Variants in AXDND1 observed in about 807,000 individuals in gnomAD.
AXDND1 encodes axonemal dynein light chain domain-containing protein 1.
AXDND1 carries 110 observed loss-of-function variants against 137.5 expected under a neutral mutation model. The observed-to-expected ratio is 0.80, with a 90% CI of 0.69 to 0.94. AXDND1 has a LOEUF of 0.94. Ranked by LOEUF, AXDND1 falls within the 40% of genes least tolerant of loss-of-function variation. The pLI, the probability that AXDND1 is intolerant of heterozygous loss-of-function variation, is 0.00. For missense variants in AXDND1, 1,191 were observed against 1,169.8 expected, an observed-to-expected ratio of 1.02 and a Z score of -0.26; for synonymous variants, 414 against 399.7, an observed-to-expected ratio of 1.04 and a Z score of -0.43.
At chr1:179,466,280 TTCTTC>T (rs551394029) in intron 16 of AXDND1, among the ~76,000 whole-genome samples, 11,213 of 119,806 alleles carry the variant, frequency 0.094, 629 homozygotes, top group African/African-American at 0.14. Context: ...TTTCTTCTTC[TTCTTC>T]TTTTTTTTTT....
intron 16 of AXDND1, chr1:179,452,407 C>CATTT (rs1558198584): frequency 6.6e-6 from 1 of 151,728 alleles, no homozygotes; most frequent in African/African-American, 2.5e-5. Flanking sequence ...AAGAAAATCC[C>CATTT]GCCGGGCGCG....
At chr1:179,406,215 G>A (rs1423879372) in intron 11 of AXDND1, among the ~76,000 whole-genome samples, 1 of 152,130 alleles carries the variant, frequency 6.6e-6, no homozygotes, top group East Asian at 1.9e-4. Flanking sequence ...TGTGGTCCAA[G>A]AAGATACTTG....
intron 21 of AXDND1, among the ~76,000 whole-genome samples, chr1:179,519,067 T>C (rs1453411309): frequency 6.6e-6 from 1 of 152,240 alleles, no homozygotes; most frequent in Non-Finnish European, 1.5e-5. Context: ...TTTTTGACTT[T>C]ATAATAGTTG....
At chr1:179,520,212 A>T (rs1338265669) in intron 21 of AXDND1, among the ~76,000 whole-genome samples, 2 of 152,152 alleles carry the variant, frequency 1.3e-5, no homozygotes, top group Non-Finnish European at 2.9e-5. Context: ...TAGGGATGCT[A>T]GTGATTTTTG....
chr1:179,399,575 T>C (rs897041471), intron 11 of AXDND1, among the ~76,000 whole-genome samples: 2 of 152,206 alleles, frequency 1.3e-5, no homozygotes, highest in African/African-American at 4.8e-5. Flanking sequence ...GATATATATC[T>C]GGGACCTAAT....
At chr1:179,481,352 A>G (rs1261269842) in intron 17 of AXDND1, among the ~76,000 whole-genome samples, 1 of 152,090 alleles carries the variant, frequency 6.6e-6, no homozygotes, top group Non-Finnish European at 1.5e-5. Flanking sequence ...CATGGTGTAT[A>G]TGTGCCACAT....
intron 21 of AXDND1, among the ~76,000 whole-genome samples, chr1:179,512,111 T>C (rs1191220179): frequency 6.6e-6 from 1 of 152,250 alleles, no homozygotes; most frequent in African/African-American, 2.4e-5. Flanking sequence ...CATTTGCTTT[T>C]GGGTTCTTGG....
At chr1:179,515,780 CTCA>C (rs1216708989) in intron 21 of AXDND1, among the ~76,000 whole-genome samples, 2 of 151,890 alleles carry the variant, frequency 1.3e-5, no homozygotes, top group East Asian at 1.9e-4. Flanking sequence ...ATTTTTTTTA[CTCA>C]TCATATTGGC....
intron 9 of AXDND1, among the ~76,000 whole-genome samples, chr1:179,386,009 G>A (rs893841181): frequency 4.0e-5 from 6 of 148,658 alleles, no homozygotes; most frequent in African/African-American, 1.5e-4. Flanking sequence ...TCCCCCAAAC[G>A]TAATGTGTGT....
chr1:179,535,917 T>C (rs1217360280), intron 25 of AXDND1, among the ~76,000 whole-genome samples: 3 of 152,252 alleles, frequency 2.0e-5, no homozygotes, highest in Non-Finnish European at 2.9e-5. Context: ...ATCGCCATTC[T>C]AACTGGTGTG....
chr1:179,518,828 T>C (rs928147579), intron 21 of AXDND1, among the ~76,000 whole-genome samples: 1 of 152,234 alleles, frequency 6.6e-6, no homozygotes, highest in African/African-American at 2.4e-5. Context: ...ATTGCTATTG[T>C]GTATAGTGCT....
intron 22 of AXDND1, among the ~76,000 whole-genome samples, chr1:179,527,686 C>T: frequency 6.6e-6 from 1 of 152,064 alleles, no homozygotes; most frequent in East Asian, 1.9e-4. Flanking sequence ...CTGAGGATAC[C>T]CAACTCTGTA....
intron 14 of AXDND1, among the ~76,000 whole-genome samples, chr1:179,431,222 G>A (rs766061007): frequency 3.3e-5 from 5 of 152,010 alleles, no homozygotes; most frequent in Non-Finnish European, 5.9e-5. Flanking sequence ...GCTCACTGCT[G>A]CCTCCATCTC....
At position 179,366,465 on chromosome 1, in the gene AXDND1, G is replaced by A. The variant is rs1667415653; in HGVS notation, c.-45G>A. The A allele has an allele frequency of 6.6e-7, 1 of 1,507,994 alleles. No individual in the cohort carries two copies. Among genetic ancestry groups the A allele is most frequent in the African/African-American group, 1.4e-5 (1 of 72,562 alleles). 93.4% of individuals were successfully genotyped at this position (1,507,994 alleles called of 1,614,324 possible). ...GATTTGTGTCTAAATTAGCTTTCCGGAGGACTATTTCAAATTACTAAAGAG... is the reference window on the plus strand; with the variant it reads ...GATTTGTGTCTAAATTAGCTTTCCGAAGGACTATTTCAAATTACTAAAGAG... On this transcript the variant is annotated 5_prime_UTR_variant, in exon 2 of 26. Transcript: ENST00000367618.
chr1:179,469,986 T>C (rs1663720289), intron 17 of AXDND1, among the ~76,000 whole-genome samples: 2 of 152,184 alleles, frequency 1.3e-5, no homozygotes, highest in African/African-American at 2.4e-5. Context: ...TGATCCATTT[T>C]AGTTAATTTT....
intron 25 of AXDND1, among the ~76,000 whole-genome samples, chr1:179,537,238 A>G (rs1671640812): frequency 6.6e-6 from 1 of 152,230 alleles, no homozygotes; most frequent in Non-Finnish European, 1.5e-5. Flanking sequence ...CAGAACTTCC[A>G]ACACTATGTC....
At chr1:179,549,091 T>G (rs1210942709) in intron 25 of AXDND1, among the ~76,000 whole-genome samples, 1 of 152,054 alleles carries the variant, frequency 6.6e-6, no homozygotes, top group Non-Finnish European at 1.5e-5. Flanking sequence ...TTTATCAGCT[T>G]ATTGCCACTC....
intron 16 of AXDND1, among the ~76,000 whole-genome samples, chr1:179,460,478 T>C (rs1662165264): frequency 6.6e-6 from 1 of 152,206 alleles, no homozygotes; most frequent in African/African-American, 2.4e-5. Context: ...GTTCCAAGTC[T>C]TTGCTATTGT....
chr1:179,533,534 C>T (rs1572192861), intron 23 of AXDND1, among the ~76,000 whole-genome samples: 1 of 151,594 alleles, frequency 6.6e-6, no homozygotes, highest in East Asian at 1.9e-4. Context: ...TACTGTTTCC[C>T]CTGCTTCTTC....
Sources: gnomAD v4.1 joint callset for allele counts (sites outside exome capture counted in the v4.1 genomes callset) on GRCh38, gnomAD v4.1.1 for gene constraint, MANE v1.5 for transcripts, NCBI Gene and HGNC (gene_info 2026-07-23, HGNC 2026-07-21) for gene names.